SLC12A2: variants seen among roughly 807,000 people sequenced by gnomAD.
SLC12A2 encodes the protein solute carrier family 12 member 2.
Under a neutral mutation model 136.3 loss-of-function variants are expected in SLC12A2, and 67 were observed. The observed-to-expected ratio is 0.49, with a 90% CI of 0.40 to 0.60. The LOEUF is 0.60. Ranked by LOEUF, SLC12A2 falls within the 20% of genes least tolerant of loss-of-function variation. The pLI is 0.00. For synonymous variants in SLC12A2, 619 were observed against 562.9 expected, an observed-to-expected ratio of 1.10 and a Z score of -1.41; for missense variants, 1,322 against 1,534.7, an observed-to-expected ratio of 0.86 and a Z score of 2.32.
At chr5:128,125,954 A>T (rs767034638) in intron 4 of SLC12A2, among the ~76,000 whole-genome samples, 2 of 152,024 alleles carry the variant, frequency 1.3e-5, no homozygotes, top group Non-Finnish European at 2.9e-5. Context: ...GTTGTTTTTG[A>T]TACCATTGTT....
chr5:128,114,947 T>C (rs1490844542), intron 4 of SLC12A2, among the ~76,000 whole-genome samples: 1 of 152,154 alleles, frequency 6.6e-6, no homozygotes, highest in Non-Finnish European at 1.5e-5. Flanking sequence ...GGGCTGCATC[T>C]TAATTGCCTC....
In SLC12A2 at chr5:128,184,811, A is replaced by G. The variant is rs749548119; in HGVS notation, c.3458A>G (p.Asn1153Ser). 6.2e-7 allele frequency: 1 copy of G among 1,609,344 alleles called. No homozygotes were observed. The highest frequency in any genetic ancestry group is 1.1e-5 in the South Asian group (1 of 90,962). The change falls in exon 26 of 27, where the codon AAT becomes AGT. Residue 1153 changes from asparagine to serine, a missense_variant. By Grantham distance (46) the Asn-to-Ser change is conservative (BLOSUM62 1). Around this residue, in one of 8 missense-constraint regions of SLC12A2, gnomAD observed 172 missense variants for 227.4 expected, o/e 0.76. Coordinates refer to ENST00000262461, the MANE Select transcript of SLC12A2 (RefSeq NM_001046.3). ...CAGACATACCGGCAGATCAGGTTAA[A>G]TGAGTTATTAAAGGAACATTCAAGC... is the stretch of plus-strand genomic sequence containing the variant. ...KTKTYRQIRL[N>S]ELLKEHSSTA...
chr5:128,188,101 C>T lies in SLC12A2; in HGVS notation c.*1470C>T, dbSNP rs1386360947. 4 of 111,726 alleles carry T rather than the reference C, an allele frequency of 3.6e-5. No homozygotes were observed. The highest frequency in any genetic ancestry group is 1.1e-4 in the African/African-American group (4 of 36,058). The allele number at this position is 111,726 out of a possible 1,614,324, so 6.9% of individuals were successfully genotyped here. ...TTAGGCAAACTTTGGTTTAAGTAAA[C>T]ATATGTTCAAAATCAGATTAACAGA... On this transcript the variant is annotated 3_prime_UTR_variant, in exon 27 of 27. Coordinates refer to ENST00000262461, the MANE Select transcript of SLC12A2 (RefSeq NM_001046.3).
chr5:128,147,763 G>A, intron 11 of SLC12A2, 34 bp downstream of exon 11: 1 of 1,309,834 alleles, frequency 7.6e-7, no homozygotes, highest in Non-Finnish European at 1.1e-6. Flanking sequence ...TTTATTAAAG[G>A]GAGAGTTAAA....
chr5:128,165,928 C>T (rs1007967587), intron 17 of SLC12A2, among the ~76,000 whole-genome samples: 16 of 145,744 alleles, frequency 1.1e-4, no homozygotes, highest in Non-Finnish European at 1.8e-4. Flanking sequence ...TCCCCCCCCC[C>T]CCCCCAGTTA....
chr5:128,103,027 T>A (rs887245722), intron 1 of SLC12A2, among the ~76,000 whole-genome samples: 13 of 152,206 alleles, frequency 8.5e-5, no homozygotes, highest in Non-Finnish European at 1.5e-4. Flanking sequence ...TTTTTGACAA[T>A]TTTAAACAGT....
At chr5:128,158,529 A>G (rs1185478997) in intron 16 of SLC12A2, among the ~76,000 whole-genome samples, 5 of 152,116 alleles carry the variant, frequency 3.3e-5, no homozygotes, top group African/African-American at 4.8e-5. Flanking sequence ...AAAGGAAGTG[A>G]TCTCATTCTT....
intron 4 of SLC12A2, among the ~76,000 whole-genome samples, chr5:128,126,971 T>TATATATATATAAAA (rs1347112296): frequency 8.1e-6 from 1 of 123,056 alleles, no homozygotes; most frequent in African/African-American, 3.8e-5. Context: ...TATATATTTT[T>TATATATATATAAAA]TTTTTTTTTT....
chr5:128,136,976 G>A (rs1304098446), intron 7 of SLC12A2, among the ~76,000 whole-genome samples: 6 of 152,076 alleles, frequency 3.9e-5, no homozygotes, highest in East Asian at 1.9e-4. Flanking sequence ...AGTGTTTCCC[G>A]TCCTACCTGC....
intron 4 of SLC12A2, among the ~76,000 whole-genome samples, chr5:128,126,053 T>C (rs1263243811): frequency 6.6e-6 from 1 of 152,236 alleles, no homozygotes; most frequent in Non-Finnish European, 1.5e-5. Flanking sequence ...TATTGATTGC[T>C]TAGCTTCACA....
At position 128,171,738 on chromosome 5, in the gene SLC12A2, A is replaced by C. The variant is rs775746006; in HGVS notation, c.2795A>C (p.Gln932Pro). Reference protein sequence around the residue: ...LKEGLDISHLQGQEELLSSQE... With the variant: ...LKEGLDISHLPGQEELLSSQE... ...GAAGGTCTGGATATATCTCATCTTC[A>C]AGGACAAGGTAAATTTTGTTGGCAA... The change falls in exon 19 of 27, where the codon CAA becomes CCA. Residue 932 changes from glutamine to proline, a missense_variant. Around this residue, in one of 8 missense-constraint regions of SLC12A2, gnomAD observed 226 missense variants for 210.4 expected, o/e 1.07. Coordinates refer to ENST00000262461, the MANE Select transcript of SLC12A2 (RefSeq NM_001046.3). The C allele has an allele frequency of 1.5e-5, 23 of 1,569,400 alleles. No individual in the cohort carries two copies. The highest frequency in any genetic ancestry group is 1.9e-5 in the Non-Finnish European group (22 of 1,160,794).
intron 1 of SLC12A2, among the ~76,000 whole-genome samples, chr5:128,089,113 A>G (rs1760210338): frequency 6.7e-6 from 1 of 149,752 alleles, no homozygotes; most frequent in African/African-American, 2.5e-5. Flanking sequence ...GATTGCAGTG[A>G]GCCAAGATTG....
intron 1 of SLC12A2, among the ~76,000 whole-genome samples, chr5:128,085,427 A>C (rs545379636): frequency 5.8e-4 from 88 of 152,360 alleles, no homozygotes; most frequent in African/African-American, 1.9e-3. Flanking sequence ...ATGACCAGAA[A>C]GACCTGTGGG....
In SLC12A2 at chr5:128,098,140, T is replaced by C. The variant is rs568485505; in HGVS notation, c.756+13430T>C. Among the ~76,000 whole-genome samples, 8 of 152,260 alleles carry C rather than the reference T, an allele frequency of 5.3e-5. No individual in the cohort carries two copies. The South Asian group carries it at 1.4e-3, about 28-fold the overall frequency. Reference sequence around the variant, plus strand: ...AGTTTGTGCTTCAAGAGTTTCTCTATTTGTGTATCCTTTGTCAGTTTGTTA... The same window carrying C: ...AGTTTGTGCTTCAAGAGTTTCTCTACTTGTGTATCCTTTGTCAGTTTGTTA... On this transcript the variant is annotated intron_variant, in intron 1 of 26. Transcript: ENST00000262461.
At chr5:128,087,220 C>T (rs1760135402) in intron 1 of SLC12A2, among the ~76,000 whole-genome samples, 2 of 152,106 alleles carry the variant, frequency 1.3e-5, no homozygotes, top group Admixed American at 1.3e-4. Flanking sequence ...CATTCTAGGA[C>T]CAGTAGGCAT....
In SLC12A2 at chr5:128,187,405, G is replaced by A. The variant is rs959146053; in HGVS notation, c.*774G>A. The A allele has an allele frequency of 2.6e-4, 40 of 151,852 alleles. No homozygotes were observed. Among genetic ancestry groups the A allele is most frequent in the African/African-American group, 7.3e-4 (30 of 41,338 alleles). The allele number at this position is 151,852 out of a possible 1,614,324, so 9.4% of individuals were successfully genotyped here. ...TCTATATACCATGCTTAAAAATCACGTCATTCTTTAAACAAAAATACTCAA... is the reference window on the plus strand; with the variant it reads ...TCTATATACCATGCTTAAAAATCACATCATTCTTTAAACAAAAATACTCAA... On this transcript the variant is annotated 3_prime_UTR_variant, in exon 27 of 27. Coordinates refer to ENST00000262461, the MANE Select transcript of SLC12A2 (RefSeq NM_001046.3).
chr5:128,149,655 C>T (rs1762635883), intron 12 of SLC12A2, among the ~76,000 whole-genome samples: 1 of 151,720 alleles, frequency 6.6e-6, no homozygotes, highest in South Asian at 2.1e-4. Flanking sequence ...CAGAATGATA[C>T]ATATGGTATG....
chr5:128,157,067 A>T (rs1167404059), intron 15 of SLC12A2, among the ~76,000 whole-genome samples: 1 of 152,176 alleles, frequency 6.6e-6, no homozygotes, highest in African/African-American at 2.4e-5. Context: ...CTAAAATTCT[A>T]AGTAAGATGG....
At position 128,184,374 on chromosome 5, in the gene SLC12A2, C is replaced by T; in HGVS notation, c.3308C>T (p.Ala1103Val). The change falls in exon 25 of 27, where the codon GCT becomes GTT. Residue 1103 changes from alanine (A) to valine (V), a missense_variant. Physicochemically the swap from Ala to Val is moderately conservative, Grantham distance 64. This residue lies in a region of SLC12A2 where 172 missense variants were observed against 227.4 expected (regional missense o/e 0.76). Transcript: ENST00000262461. Reference protein sequence around the residue: ...NTKPKKENIIAFEEIIEPYRL... With the variant: ...NTKPKKENIIVFEEIIEPYRL... Reference sequence around the variant, plus strand: ...CTTTCTGTTTTTTAAAGTATTATAGCTTTTGAGGAAATCATTGAGCCATAC... The same window carrying T: ...CTTTCTGTTTTTTAAAGTATTATAGTTTTTGAGGAAATCATTGAGCCATAC... 3 of 1,543,288 alleles carry T rather than the reference C, an allele frequency of 1.9e-6. No homozygotes were observed. Among genetic ancestry groups the T allele is most frequent in the East Asian group, 2.3e-5 (1 of 43,496 alleles).
Sources: gnomAD v4.1 joint callset for allele counts (sites outside exome capture counted in the v4.1 genomes callset) on GRCh38, gnomAD v4.1.1 for gene constraint, gnomAD v4.1.1 regional missense constraint, MANE v1.5 for transcripts, NCBI Gene and HGNC (gene_info 2026-07-23, HGNC 2026-07-21) for gene names.